The following HMGCL variants were observed in gnomAD, a reference collection of about 807,000 sequenced individuals.
HMGCL encodes hydroxymethylglutaryl-CoA lyase, mitochondrial.
A neutral mutation model predicts 37.3 loss-of-function variants in HMGCL; 26 were observed. That is an observed-to-expected ratio of 0.70 (90% CI 0.51 to 0.97). The LOEUF (loss-of-function observed/expected upper bound fraction) is 0.97, where lower values mean the gene tolerates loss of function less well. HMGCL is among the 50% of genes least tolerant of loss of function. The pLI, the probability that HMGCL is intolerant of heterozygous loss-of-function variation, is 0.00. For synonymous variants in HMGCL, 151 were observed against 148.0 expected (o/e 1.02, Z -0.15); for missense variants, 379 against 398.1 (o/e 0.95, Z 0.41).
intron 5 of HMGCL, among the ~76,000 whole-genome samples, chr1:23,813,521 T>C (rs2148422112): frequency 6.6e-6 from 1 of 150,840 alleles, no homozygotes; most frequent in Admixed American, 6.6e-5. Flanking sequence ...ACCTGCCTTG[T>C]CCTCCCAAAG....
intron 8 of HMGCL, chr1:23,803,983 A>C: frequency 4.6e-6 from 1 of 219,526 alleles, no homozygotes; most frequent in East Asian, 1.2e-4. Context: ...GTCTCCTAGG[A>C]CTGAACTGTC....
rs11371330 is a variant in HMGCL at position 23,819,006 on chromosome 1, TAAAAAAAAAAAAAAA to T, written c.145-1438_145-1424del. On this transcript the variant is annotated intron_variant, in intron 2 of 8. Transcript: ENST00000374490. ...ACTATTAAAGCTAGGATGGACGTGC[TAAAAAAAAAAAAAAA>T]AAAAAAAAAAAAGAGAAAAAGAAAA... 1.3e-3 allele frequency among the ~76,000 whole-genome samples: 55 copies of T among 43,146 alleles called. No homozygotes were observed. In the South Asian group the frequency reaches 0.064, roughly 50 times the overall value. The allele number at this position is 43,146 out of a possible 152,430, so 28.3% of individuals were successfully genotyped here. A position where few individuals can be genotyped will look rare whatever the true frequency, so the allele number is the denominator to read the frequency against.
Position 23,819,414 on chromosome 1 carries a change from C to T in HMGCL, c.144+1096G>A, listed in dbSNP as rs529721774. On this transcript the variant is annotated intron_variant, in intron 2 of 8. Coordinates refer to ENST00000374490, the MANE Select transcript of HMGCL (RefSeq NM_000191.3). ...CTCCCATACATATATAAACTTTTTT[C>T]TTACATAAAAGTGTTAAGATTAAAA... 1.1e-4 allele frequency among the ~76,000 whole-genome samples: 16 copies of T among 152,204 alleles called. 1 individual carries two copies. In the South Asian group the frequency reaches 3.3e-3, roughly 32 times the overall value.
intron 8 of HMGCL, 145 bp downstream of exon 8, chr1:23,804,254 GC>G: frequency 2.2e-6 from 2 of 921,902 alleles, no homozygotes; most frequent in Non-Finnish European, 3.4e-6. Flanking sequence ...GAGATTACAG[GC>G]ATGAGCCACT....
intron 5 of HMGCL, among the ~76,000 whole-genome samples, chr1:23,813,398 A>G (rs1638557539): frequency 6.6e-6 from 1 of 150,764 alleles, no homozygotes; most frequent in African/African-American, 2.4e-5. Context: ...TATTTTTAGT[A>G]AAGACGGGGT....
intron 5 of HMGCL, among the ~76,000 whole-genome samples, chr1:23,812,105 T>A (rs1459784205): frequency 6.6e-6 from 1 of 151,592 alleles, no homozygotes; most frequent in Admixed American, 6.6e-5. Context: ...GCTGGGAGAG[T>A]GGAGCACCCC....
At chr1:23,808,084 CT>C in intron 7 of HMGCL, 50 bp downstream of exon 7, 1 of 1,499,068 alleles carries the variant, frequency 6.7e-7, no homozygotes, top group Non-Finnish European at 9.3e-7. Flanking sequence ...TGATAACAAG[CT>C]GTCCTGCCCA....
chr1:23,807,298 G>C (rs760269941), intron 7 of HMGCL: 1 of 515,374 alleles, frequency 1.9e-6, no homozygotes, highest in South Asian at 1.4e-5. Context: ...GAAAAATGAG[G>C]AGACCACAGA....
rs1322650779 is a variant in HMGCL, at chr1:23,816,674, C to T, written c.348+1G>A. Reference sequence around the variant, plus strand: ...CCCCCACCAACAAGCTATCCTCTTACCGCTGCCTCGAAGCCTTTCAAATTT... The same window carrying T: ...CCCCCACCAACAAGCTATCCTCTTATCGCTGCCTCGAAGCCTTTCAAATTT... On this transcript the variant is annotated splice_donor_variant, in intron 4 of 8. Transcript: ENST00000374490. LOFTEE classifies it high-confidence loss of function. 2.5e-6 allele frequency: 4 copies of T among 1,586,890 alleles called. No individual in the cohort carries two copies. The highest frequency in any genetic ancestry group is 3.5e-6 in the Non-Finnish European group (4 of 1,155,166).
chr1:23,820,466 A>T, intron 2 of HMGCL, 44 bp downstream of exon 2: 1 of 1,306,718 alleles, frequency 7.7e-7, no homozygotes, highest in Non-Finnish European at 1.1e-6. Context: ...TACTCAAAGC[A>T]GATGCTTGAA....
intron 6 of HMGCL, 124 bp from the exon 7 acceptor site, chr1:23,808,447 G>A (rs993999149): frequency 3.8e-5 from 30 of 797,132 alleles, no homozygotes; most frequent in Middle Eastern, 6.6e-4. Context: ...GTTCCTACTG[G>A]ATTACATGCT....
At chr1:23,804,629 T>C in intron 7 of HMGCL, 104 bp from the exon 8 acceptor site, 2 of 1,267,492 alleles carry the variant, frequency 1.6e-6, no homozygotes, top group Non-Finnish European at 1.1e-6. Flanking sequence ...AATTCTAGAG[T>C]CATTCTTTGC....
At position 23,802,312 on chromosome 1, in the gene HMGCL, C is replaced by G; in HGVS notation, c.*151G>C. The G allele has an allele frequency of 2.9e-6, 2 of 689,196 alleles. No homozygotes were observed. Among genetic ancestry groups the G allele is most frequent in the Non-Finnish European group, 5.3e-6 (2 of 379,650 alleles). 42.7% of individuals were successfully genotyped at this position (689,196 alleles called of 1,614,324 possible). On this transcript the variant is annotated 3_prime_UTR_variant, in exon 9 of 9. Coordinates refer to ENST00000374490, the MANE Select transcript of HMGCL (RefSeq NM_000191.3). ...CCAAGCAGCTCCTCCTGCCCTTCGC[C>G]TGCTTTCTGCCAGGAGAGACCTCTG... is the stretch of plus-strand genomic sequence containing the variant.
In HMGCL at chr1:23,806,100, C is replaced by T. The variant is rs1266366491; in HGVS notation, c.751-1575G>A. 2.6e-5 allele frequency among the ~76,000 whole-genome samples: 4 copies of T among 152,208 alleles called. No homozygotes were observed. The highest frequency in any genetic ancestry group is 3.9e-4 in the East Asian group (2 of 5,174). ...GCAAATAGCTGGGATTACAGGCTCA[C>T]GCCACCACGCCCAGCTAATTTTTAT... On this transcript the variant is annotated intron_variant, in intron 7 of 8. Coordinates refer to ENST00000374490, the MANE Select transcript of HMGCL (RefSeq NM_000191.3). This position sits in a 1 kb window ranked among gnomAD's most constrained non-coding sequence, Gnocchi z 4.0.
Position 23,810,819 on chromosome 1 carries a change from G to A in HMGCL, c.498-20C>T. The A allele has an allele frequency of 6.2e-7, 1 of 1,609,708 alleles. No individual in the cohort carries two copies. The highest frequency in any genetic ancestry group is 2.2e-5 in the East Asian group (1 of 44,856). ...ACGTACCTGTGGGAAGACAGGGGAG[G>A]AATGAGGTCAGTGTCCTGAGCTTTT... On this transcript the variant is annotated intron_variant, in intron 5 of 8. Transcript: ENST00000374490.
intron 5 of HMGCL, among the ~76,000 whole-genome samples, chr1:23,812,180 A>C (rs1050456306): frequency 3.1e-4 from 47 of 150,230 alleles, no homozygotes; most frequent in Admixed American, 1.8e-3. Flanking sequence ...TGGGGCAGGG[A>C]GGGAATTTAA....
In HMGCL at chr1:23,806,452, C is replaced by T. The variant is rs1249820809; in HGVS notation, c.750+1683G>A. Among the ~76,000 whole-genome samples, 3 of 152,206 alleles carry T rather than the reference C, an allele frequency of 2.0e-5. No individual in the cohort carries two copies. The highest frequency in any genetic ancestry group is 6.5e-5 in the Admixed American group (1 of 15,274). ...CACATGCCTCCTCCTGATCCCTGAA[C>T]ACAGCAAGCACACTCCTCCCTCAGG... On this transcript the variant is annotated intron_variant, in intron 7 of 8. Transcript: ENST00000374490. This position sits in a 1 kb window ranked among gnomAD's most constrained non-coding sequence, Gnocchi z 4.0.
Position 23,806,189 on chromosome 1 carries a change from G to C in HMGCL, c.751-1664C>G, listed in dbSNP as rs1638406114. Among the ~76,000 whole-genome samples, 1 of 152,256 alleles carries C rather than the reference G, an allele frequency of 6.6e-6. No homozygotes were observed. Among genetic ancestry groups the C allele is most frequent in the East Asian group, 1.9e-4 (1 of 5,182 alleles). On this transcript the variant is annotated intron_variant, in intron 7 of 8. Coordinates refer to ENST00000374490, the MANE Select transcript of HMGCL (RefSeq NM_000191.3). The surrounding 1 kb of genome is among the most constrained non-coding windows in gnomAD (Gnocchi z 4.0). ...CTGGTCTCAAAACTCCTGACCTCAA[G>C]TGATCCACCTGCCTCAGCCTCCCAA... is the stretch of plus-strand genomic sequence containing the variant.
intron 8 of HMGCL, chr1:23,803,603 T>A (rs1295797358): frequency 2.0e-5 from 3 of 152,356 alleles, no homozygotes; most frequent in Non-Finnish European, 4.4e-5. Context: ...CCCAAAGTGC[T>A]GGGATTACAG....
Sources: allele counts gnomAD v4.1 joint callset (sites outside exome capture counted in the v4.1 genomes callset), GRCh38; gene constraint gnomAD v4.1.1; non-coding constraint Gnocchi (gnomAD v3.1); transcripts MANE v1.5; gene names NCBI Gene and HGNC (gene_info 2026-07-23, HGNC 2026-07-21).